ITCH: variants seen among roughly 807,000 people sequenced by gnomAD.
ITCH encodes itchy E3 ubiquitin protein ligase.
ITCH carries 28 observed loss-of-function variants against 126.8 expected under a neutral mutation model. That is an observed-to-expected ratio of 0.22 (90% CI 0.16 to 0.30). The LOEUF (loss-of-function observed/expected upper bound fraction) is 0.30, where lower values mean the gene tolerates loss of function less well. ITCH is among the 10% of genes least tolerant of loss of function. The pLI, the probability that ITCH is intolerant of heterozygous loss-of-function variation, is 1.00. For missense variants in ITCH, 631 were observed against 1,032.4 expected, an observed-to-expected ratio of 0.61 and a Z score of 5.33; for synonymous variants, 342 against 340.0, an observed-to-expected ratio of 1.01 and a Z score of -0.06.
intron 4 of ITCH, 72 bp downstream of exon 4, chr20:34,408,864 T>A: frequency 1.3e-6 from 2 of 1,522,444 alleles, no homozygotes; most frequent in Non-Finnish European, 1.8e-6. Context: ...TAAAAAAATG[T>A]TTCTCACTTT....
chr20:34,439,377 A>G (rs1419025660), intron 8 of ITCH, among the ~76,000 whole-genome samples: 1 of 152,088 alleles, frequency 6.6e-6, no homozygotes, highest in African/African-American at 2.4e-5. Context: ...GGCTCAAGTG[A>G]TTGTCTAGCC....
intron 23 of ITCH, among the ~76,000 whole-genome samples, chr20:34,494,743 G>A (rs547985114): frequency 3.3e-5 from 5 of 152,090 alleles, no homozygotes; most frequent in Admixed American, 6.5e-5. Context: ...AGGAACACAC[G>A]AGCCCAGGGG....
intron 18 of ITCH, 64 bp from the exon 19 acceptor site, chr20:34,480,535 A>T: frequency 6.4e-7 from 1 of 1,558,620 alleles, no homozygotes; most frequent in Non-Finnish European, 8.8e-7. Flanking sequence ...AGTACATCTA[A>T]TATATTGAAA....
At position 34,470,109 on chromosome 20, in the gene ITCH, T is replaced by A; in HGVS notation, c.1486T>A (p.Phe496Ile). 6.2e-7 allele frequency: 1 copy of A among 1,613,492 alleles called. No homozygotes were observed. ...DFKAKVQYFRFWCQQLAMPQH... is the reference protein window; with the variant it reads ...DFKAKVQYFRIWCQQLAMPQH... ...CAAAGCAAAGGTTCAGTATTTCCGG[T>A]TCTGGTGTCAGGTTAGTATTGGAAC... is the stretch of plus-strand genomic sequence containing the variant. The change falls in exon 15 of 25, where the codon TTC (phenylalanine) becomes ATC (isoleucine). Residue 496 changes from phenylalanine to isoleucine, a missense_variant. This residue lies in a region of ITCH where 390 missense variants were observed against 731.6 expected (regional missense o/e 0.53). Transcript: ENST00000374864.
At chr20:34,475,538 G>T (rs936742505) in intron 16 of ITCH, among the ~76,000 whole-genome samples, 2 of 152,022 alleles carry the variant, frequency 1.3e-5, no homozygotes, top group African/African-American at 4.8e-5. Flanking sequence ...GCCTGCAATC[G>T]TAGGCACTGG....
intron 10 of ITCH, among the ~76,000 whole-genome samples, chr20:34,444,978 T>C (rs1984258064): frequency 6.6e-6 from 1 of 152,212 alleles, no homozygotes; most frequent in Non-Finnish European, 1.5e-5. Context: ...CAAAGCTATA[T>C]ATTTAATTTG....
intron 3 of ITCH, among the ~76,000 whole-genome samples, chr20:34,395,232 C>CA (rs75300869): frequency 0.014 from 1,068 of 76,690 alleles, 18 homozygotes; most frequent in East Asian, 0.12. Context: ...GACTCCATCT[C>CA]AAAAAAAAAA....
At chr20:34,408,907 CTTCT>C (rs1290643588) in intron 4 of ITCH, 115 bp downstream of exon 4, 2 of 1,027,046 alleles carry the variant, frequency 1.9e-6, no homozygotes, top group East Asian at 2.7e-5. Context: ...TCCTTTCTCT[CTTCT>C]TTTTTTTTTT....
In ITCH at chr20:34,468,572, C is replaced by CTTGAGGCCAGGAGT. The variant is rs1491054708; in HGVS notation, c.1425-1470_1425-1457dup. ...TTGGGAGGCCCAGGCAGGCAGATCA[C>CTTGAGGCCAGGAGT]TTGAGGCCAGGAGTTTGAGACCAGC... On this transcript the variant is annotated intron_variant, in intron 14 of 24. Transcript: ENST00000374864. Among the ~76,000 whole-genome samples the CTTGAGGCCAGGAGT allele has an allele frequency of 1.1e-4, 17 of 151,972 alleles. 1 individual carries two copies. The East Asian group carries it at 3.3e-3, about 30-fold the overall frequency.
intron 16 of ITCH, among the ~76,000 whole-genome samples, chr20:34,472,095 G>T (rs543556072): frequency 6.6e-6 from 1 of 152,000 alleles, no homozygotes; most frequent in Non-Finnish European, 1.5e-5. Flanking sequence ...TAATTTACTC[G>T]CTGGGCACGG....
intron 3 of ITCH, among the ~76,000 whole-genome samples, chr20:34,407,266 C>CATT (rs1053406027): frequency 2.0e-5 from 3 of 151,952 alleles, no homozygotes; most frequent in Admixed American, 6.6e-5. Context: ...TCTAAATTAT[C>CATT]ATTATTATTA....
At chr20:34,369,195 G>C (rs1157945603) in intron 1 of ITCH, among the ~76,000 whole-genome samples, 199 bp from the exon 2 acceptor site, 1 of 152,098 alleles carries the variant, frequency 6.6e-6, no homozygotes, top group East Asian at 1.9e-4. Flanking sequence ...AGGCGTGGGG[G>C]TGCACGCCCG....
At position 34,500,512 on chromosome 20, in the gene ITCH, G is replaced by T. The variant is rs1055293665; in HGVS notation, c.2417-3819G>T. On this transcript the variant is annotated intron_variant, in intron 23 of 24. Coordinates refer to ENST00000374864, the MANE Select transcript of ITCH (RefSeq NM_031483.7). ...GCTCACTTTGGATTTCCATTTCCATGAAATATCTTTTTCATCCCTTCCTTT... is the reference window on the plus strand; with the variant it reads ...GCTCACTTTGGATTTCCATTTCCATTAAATATCTTTTTCATCCCTTCCTTT... Among the ~76,000 whole-genome samples, 10 of 152,260 alleles carry T rather than the reference G, an allele frequency of 6.6e-5. No individual in the cohort carries two copies. In the South Asian group the frequency reaches 1.4e-3, roughly 22 times the overall value.
intron 2 of ITCH, among the ~76,000 whole-genome samples, chr20:34,370,984 A>C (rs912117384): frequency 2.0e-5 from 3 of 151,534 alleles, no homozygotes; most frequent in Admixed American, 6.6e-5. Flanking sequence ...CTGGCTAACA[A>C]GGTGAAACCC....
In ITCH at chr20:34,424,517, T is replaced by C. The variant is rs775987482; in HGVS notation, c.513T>C (p.Asp171=). The change falls in exon 7 of 25, where the codon GAT becomes GAC. Residue 171 remains aspartate, a synonymous_variant. Coordinates refer to ENST00000374864, the MANE Select transcript of ITCH (RefSeq NM_031483.7). ...SQNDDGSRSK[D]ETRVSTNGSD... is the part of the protein sequence containing the mutation. ...ATGATGATGGCTCCAGATCCAAGGA[T>C]GAAACAAGGTAAGCATTCACTGATT... is the stretch of plus-strand genomic sequence containing the variant. 27 of 1,612,856 alleles carry C rather than the reference T, an allele frequency of 1.7e-5. No individual in the cohort carries two copies. Among genetic ancestry groups the C allele is most frequent in the Non-Finnish European group, 2.0e-5 (24 of 1,179,004 alleles).
At chr20:34,493,347 G>T (rs1323649507) in intron 23 of ITCH, among the ~76,000 whole-genome samples, 12 of 152,188 alleles carry the variant, frequency 7.9e-5, no homozygotes, top group Admixed American at 7.9e-4. Context: ...TACCGTGAGG[G>T]TATTGGAAGC....
intron 12 of ITCH, among the ~76,000 whole-genome samples, chr20:34,454,817 G>GTTTTTTTTTTT (rs200486269): frequency 1.9e-4 from 21 of 109,542 alleles, no homozygotes; most frequent in African/African-American, 5.7e-4. Flanking sequence ...TTCTTTTCCT[G>GTTTTTTTTTTT]TTTTTTTTTT....
At chr20:34,395,680 C>G (rs935310646) in intron 3 of ITCH, among the ~76,000 whole-genome samples, 8 of 152,222 alleles carry the variant, frequency 5.3e-5, no homozygotes, top group African/African-American at 1.7e-4. Flanking sequence ...TATTCTGGAT[C>G]TCGCATATAA....
At chr20:34,437,021 C>T (rs540325271) in intron 7 of ITCH, among the ~76,000 whole-genome samples, 25 of 151,684 alleles carry the variant, frequency 1.6e-4, no homozygotes, top group African/African-American at 5.8e-4. Flanking sequence ...CCTACCTACT[C>T]GGGAGGCTGA....
Sources: gnomAD v4.1 joint callset for allele counts (sites outside exome capture counted in the v4.1 genomes callset) on GRCh38, gnomAD v4.1.1 for gene constraint, gnomAD v4.1.1 regional missense constraint, MANE v1.5 for transcripts, NCBI Gene and HGNC (gene_info 2026-07-23, HGNC 2026-07-21) for gene names.